The following GREM2 variants were observed in gnomAD, a reference collection of about 807,000 sequenced individuals.
The protein encoded by GREM2 is gremlin 2, DAN family BMP antagonist.
Under a neutral mutation model 14.2 loss-of-function variants are expected in GREM2, and 11 were observed. That is an observed-to-expected ratio of 0.78 (90% CI 0.49 to 1.28). The LOEUF is 1.28. Among genes scored for constraint, GREM2 ranks in the 50% most tolerant of loss-of-function variants. The pLI is 0.00. For missense variants in GREM2, 210 were observed against 218.5 expected, an observed-to-expected ratio of 0.96 and a Z score of 0.24; for synonymous variants, 98 against 97.6, an observed-to-expected ratio of 1.00 and a Z score of -0.02.
chr1:240,510,599 T>G (rs565803029), intron 1 of GREM2, among the ~76,000 whole-genome samples: 1 of 152,134 alleles, frequency 6.6e-6, no homozygotes, highest in African/African-American at 2.4e-5. Context: ...GCCACTGAAT[T>G]GTACACCTAA....
intron 1 of GREM2, chr1:240,531,648 G>T: frequency 1.0e-6 from 1 of 985,332 alleles, no homozygotes; most frequent in Non-Finnish European, 1.2e-6. Flanking sequence ...CAAGGCGTCT[G>T]CCTGCTCCCT....
At chr1:240,564,507 CA>C (rs35623408) in intron 1 of GREM2, among the ~76,000 whole-genome samples, 56,906 of 137,984 alleles carry the variant, frequency 0.41, 10,885 homozygotes, top group East Asian at 0.49. Flanking sequence ...GACCCTGTCT[CA>C]AAAAAAAAAA....
Position 240,543,790 on chromosome 1 carries a change from T to C in GREM2, c.-1-50314A>G, listed in dbSNP as rs1678653166. ...AATTATATTTCAAAAGGGATTGATA[T>C]ACAGGCCTAACGCTATTTTTGACAC... On this transcript the variant is annotated intron_variant, in intron 1 of 1. Coordinates refer to ENST00000318160, the MANE Select transcript of GREM2 (RefSeq NM_022469.4). This position sits in a 1 kb window ranked among gnomAD's most constrained non-coding sequence, Gnocchi z 6.4. Among the ~76,000 whole-genome samples the C allele has an allele frequency of 6.6e-6, 1 of 152,250 alleles. No homozygotes were observed. The highest frequency in any genetic ancestry group is 2.1e-4 in the South Asian group (1 of 4,836).
At chr1:240,606,472 C>G (rs1000035313) in intron 1 of GREM2, among the ~76,000 whole-genome samples, 1 of 152,120 alleles carries the variant, frequency 6.6e-6, no homozygotes, top group Admixed American at 6.5e-5. Flanking sequence ...TTATAATACC[C>G]AACAAACACC....
chr1:240,559,488 C>T (rs1230762673), intron 1 of GREM2, among the ~76,000 whole-genome samples: 1 of 151,820 alleles, frequency 6.6e-6, no homozygotes, highest in East Asian at 1.9e-4. Flanking sequence ...GGATTACAAG[C>T]ACCCGCCATC....
In GREM2 at chr1:240,490,722, T is replaced by C. The variant is rs1380935112; in HGVS notation, c.*2247A>G. ...CACCCACAATTGGGTTCGAAGAGAG[T>C]GTGCTCGTGTTTGCATTCTGTAAGT... On this transcript the variant is annotated 3_prime_UTR_variant, in exon 2 of 2. Coordinates refer to ENST00000318160, the MANE Select transcript of GREM2 (RefSeq NM_022469.4). 1 of 152,194 alleles carries C rather than the reference T, an allele frequency of 6.6e-6. No individual in the cohort carries two copies. Among genetic ancestry groups the C allele is most frequent in the South Asian group, 2.1e-4 (1 of 4,818 alleles). 9.4% of individuals were successfully genotyped at this position (152,194 alleles called of 1,614,324 possible). A position where few individuals can be genotyped will look rare whatever the true frequency, so the allele number is the denominator to read the frequency against.
intron 1 of GREM2, among the ~76,000 whole-genome samples, chr1:240,544,437 G>A (rs549538751): frequency 7.2e-5 from 11 of 152,180 alleles, no homozygotes; most frequent in South Asian, 2.1e-4. Flanking sequence ...GTGAGCCACC[G>A]CGCCTGGCCA....
chr1:240,497,816 G>A (rs182218630), intron 1 of GREM2, among the ~76,000 whole-genome samples: 35 of 152,210 alleles, frequency 2.3e-4, no homozygotes, highest in African/African-American at 7.7e-4. Context: ...TATTGGACTC[G>A]CTCAGCTTAC....
At chr1:240,582,722 A>C (rs1408008355) in intron 1 of GREM2, among the ~76,000 whole-genome samples, 1 of 151,876 alleles carries the variant, frequency 6.6e-6, no homozygotes, top group African/African-American at 2.4e-5. Context: ...GCTTCAACCC[A>C]GGAGGCAGGG....
At position 240,543,099 on chromosome 1, in the gene GREM2, G is replaced by A. The variant is rs552936171; in HGVS notation, c.-1-49623C>T. Among the ~76,000 whole-genome samples the A allele has an allele frequency of 1.9e-4, 29 of 152,198 alleles. No homozygotes were observed. In the South Asian group the frequency reaches 4.2e-3, roughly 22 times the overall value. ...TCTGAGGTTTCAAAAGCATTTCCTC[G>A]ATCACTCTGTCATGATTATTTGACT... On this transcript the variant is annotated intron_variant, in intron 1 of 1. Transcript: ENST00000318160. This position sits in a 1 kb window ranked among gnomAD's most constrained non-coding sequence, Gnocchi z 6.4.
intron 1 of GREM2, among the ~76,000 whole-genome samples, chr1:240,558,655 G>A (rs968769861): frequency 2.4e-4 from 36 of 152,038 alleles, no homozygotes; most frequent in Admixed American, 5.2e-4. Flanking sequence ...TGGACGCCCT[G>A]TGATTGGTTA....
rs539887513 is a variant in GREM2, at chr1:240,501,490, G to A, written c.-1-8014C>T. Reference sequence around the variant, plus strand: ...CTTCTGGACAGCAAATGCATCATTAGGGAATTTGTAATCAACGTTCTAAAT... The same window carrying A: ...CTTCTGGACAGCAAATGCATCATTAAGGAATTTGTAATCAACGTTCTAAAT... On this transcript the variant is annotated intron_variant, in intron 1 of 1. Transcript: ENST00000318160. Among the ~76,000 whole-genome samples, 121 of 152,284 alleles carry A rather than the reference G, an allele frequency of 7.9e-4. 1 individual carries two copies. The highest frequency in any genetic ancestry group is 2.8e-3 in the African/African-American group (117 of 41,574).
Position 240,597,964 on chromosome 1 carries a change from A to G in GREM2, c.-2+13920T>C, listed in dbSNP as rs1679854544. On this transcript the variant is annotated intron_variant, in intron 1 of 1. Transcript: ENST00000318160. ...GAGAGTGTCATAAACTACACTCTAT[A>G]TATTCAGAAGCCACCCTAATAAATA... Among the ~76,000 whole-genome samples, 4 of 152,190 alleles carry G rather than the reference A, an allele frequency of 2.6e-5. No individual in the cohort carries two copies. In the South Asian group the frequency reaches 8.3e-4, roughly 32 times the overall value.
chr1:240,520,658 T>A (rs1191598546), intron 1 of GREM2, among the ~76,000 whole-genome samples: 1 of 152,044 alleles, frequency 6.6e-6, no homozygotes, highest in Non-Finnish European at 1.5e-5. Context: ...TTCTCCTGCC[T>A]CAGCCTCCCA....
In GREM2 at chr1:240,535,436, T is replaced by A. The variant is rs140650840; in HGVS notation, c.-1-41960A>T. 8.4e-4 allele frequency among the ~76,000 whole-genome samples: 128 copies of A among 152,140 alleles called. 2 individuals carry two copies. In the East Asian group the frequency reaches 0.024, roughly 29 times the overall value. ...GAAGAAAGATAGTACAAAGGAGAGA[T>A]TGTGAAAAAAAATTTTAAAAAGCCA... On this transcript the variant is annotated intron_variant, in intron 1 of 1. Coordinates refer to ENST00000318160, the MANE Select transcript of GREM2 (RefSeq NM_022469.4).
chr1:240,552,549 C>T (rs138398485), intron 1 of GREM2, among the ~76,000 whole-genome samples: 5 of 152,278 alleles, frequency 3.3e-5, no homozygotes, highest in East Asian at 3.9e-4. Context: ...GAGCTGTGAT[C>T]GGGCCACTGC....
chr1:240,601,593 G>A (rs543011443), intron 1 of GREM2, among the ~76,000 whole-genome samples: 4 of 152,246 alleles, frequency 2.6e-5, no homozygotes, highest in African/African-American at 9.6e-5. Context: ...TCAAAAAGAT[G>A]TTACAAAAGC....
intron 1 of GREM2, among the ~76,000 whole-genome samples, chr1:240,517,805 G>T (rs1677985362): frequency 6.6e-6 from 1 of 152,062 alleles, no homozygotes; most frequent in African/African-American, 2.4e-5. Context: ...GAACTCTCCT[G>T]GTCATCCTGA....
intron 1 of GREM2, chr1:240,588,478 C>A (rs1240397635): frequency 2.6e-5 from 4 of 152,238 alleles, no homozygotes; most frequent in Admixed American, 2.6e-4. Context: ...ATCCAGTCAT[C>A]ATATGGTGGC....
Sources: gnomAD v4.1 joint callset for allele counts (sites outside exome capture counted in the v4.1 genomes callset) on GRCh38, gnomAD v4.1.1 for gene constraint, Gnocchi (gnomAD v3.1) non-coding constraint, MANE v1.5 for transcripts, NCBI Gene and HGNC (gene_info 2026-07-23, HGNC 2026-07-21) for gene names.